Variants in MAP4 observed in about 807,000 individuals in gnomAD.
MAP4 encodes the protein microtubule-associated protein 4.
Under a neutral mutation model 170.2 loss-of-function variants are expected in MAP4, and 76 were observed. The ratio of observed to expected loss-of-function variants is 0.45; its 90% CI spans 0.37 to 0.54. The LOEUF (loss-of-function observed/expected upper bound fraction) is 0.54, where lower values mean the gene tolerates loss of function less well. MAP4 is among the 20% of genes least tolerant of loss of function. The pLI, the probability that MAP4 is intolerant of heterozygous loss-of-function variation, is 0.00. For missense variants in MAP4, 2,506 were observed against 2,748.0 expected (o/e 0.91, Z 1.97); for synonymous variants, 909 against 994.5 (o/e 0.91, Z 1.62).
Position 47,911,619 on chromosome 3 carries a change from G to A in MAP4, c.2802C>T (p.Tyr934=), listed in dbSNP as rs1224733868. ...TGATATCCAAAGGGGTTTCTACATT[G>A]TATGCAGAAACTTCTGCTAGGGGTC... ...LKGPLAEVSA[Y]NVETPLDIRL... The change falls in exon 9 of 21, where the codon TAC becomes TAT. Residue 934 remains tyrosine (Y), a synonymous_variant. Transcript: ENST00000683076. The surrounding 1 kb of genome is among the most constrained non-coding windows in gnomAD (Gnocchi z 4.0). 2 of 1,535,952 alleles carry A rather than the reference G, an allele frequency of 1.3e-6. No homozygotes were observed. Among genetic ancestry groups the A allele is most frequent in the Non-Finnish European group, 1.7e-6 (2 of 1,146,784 alleles).
chr3:47,985,501 T>C (rs1292482278), intron 2 of MAP4, among the ~76,000 whole-genome samples: 1 of 152,116 alleles, frequency 6.6e-6, no homozygotes, highest in Non-Finnish European at 1.5e-5. Context: ...AGGCAGACAC[T>C]AACAAGTGAT....
Position 47,955,548 on chromosome 3 carries a change from C to T in MAP4, c.292+22317G>A, listed in dbSNP as rs9873267. 4.5e-3 allele frequency among the ~76,000 whole-genome samples: 677 copies of T among 151,590 alleles called. 5 individuals carry two copies. The highest frequency in any genetic ancestry group is 0.032 in the South Asian group (156 of 4,802). On this transcript the variant is annotated intron_variant, in intron 3 of 20. Transcript: ENST00000683076. ...TAGCAAGTAGCAAATACGTTAGATG[C>T]TTTAGTAAGACATATACAAAGTAGT...
chr3:47,977,884 TACTCCATGACCACCATTGGCTAGG>T lies in MAP4; in HGVS notation c.249_272del (p.Leu84_Val91del), dbSNP rs776370787. On this transcript the variant is annotated inframe_deletion, in exon 3 of 21. Coordinates refer to ENST00000683076, the MANE Select transcript of MAP4 (RefSeq NM_001385682.1). ...ACTTACCTGTAGTATCGCTCCCTTC[TACTCCATGACCACCATTGGCTAGG>T]AGTGTTGGTTTAGAAGATGGAGTAT... 2 of 1,612,788 alleles carry T rather than the reference TACTCCATGACCACCATTGGCTAGG, an allele frequency of 1.2e-6. No individual in the cohort carries two copies. The highest frequency in any genetic ancestry group is 1.7e-6 in the Non-Finnish European group (2 of 1,178,860).
chr3:47,962,491 G>A (rs2100072200), intron 3 of MAP4, among the ~76,000 whole-genome samples: 1 of 152,120 alleles, frequency 6.6e-6, no homozygotes, highest in East Asian at 1.9e-4. Flanking sequence ...ATTTCTTTGT[G>A]TACTCTGCCC....
intron 10 of MAP4, chr3:47,892,760 T>G (rs1046039851): frequency 1.6e-6 from 2 of 1,277,260 alleles, no homozygotes; most frequent in African/African-American, 3.0e-5. Flanking sequence ...AATCTGAGAA[T>G]GTAATTTCCC....
intron 1 of MAP4, among the ~76,000 whole-genome samples, chr3:48,064,202 T>C (rs1039353739): frequency 1.3e-5 from 2 of 152,214 alleles, no homozygotes; most frequent in African/African-American, 4.8e-5. Context: ...TGCAAGATTC[T>C]AAACCTCCCT....
chr3:47,853,942 G>A (rs980315936), intron 19 of MAP4, among the ~76,000 whole-genome samples: 5 of 152,178 alleles, frequency 3.3e-5, no homozygotes, highest in Admixed American at 2.6e-4. Flanking sequence ...CCTGGAGGGC[G>A]TCATAGGAGG....
At chr3:47,947,804 CA>C (rs554803000) in intron 3 of MAP4, among the ~76,000 whole-genome samples, 648 of 50,408 alleles carry the variant, frequency 0.013, 4 homozygotes, top group African/African-American at 0.037. Flanking sequence ...GAGAGAGTCT[CA>C]AAAAAAAAAA....
intron 16 of MAP4, among the ~76,000 whole-genome samples, chr3:47,867,972 C>T (rs2083502998): frequency 6.6e-6 from 1 of 152,206 alleles, no homozygotes; most frequent in Non-Finnish European, 1.5e-5. Flanking sequence ...CACACTTAGC[C>T]CATTTGTCTC....
At chr3:48,068,438 T>C (rs1487407093) in intron 1 of MAP4, among the ~76,000 whole-genome samples, 2 of 152,202 alleles carry the variant, frequency 1.3e-5, no homozygotes, top group Non-Finnish European at 2.9e-5. Context: ...CTCACTATGT[T>C]GTCCAGGTTG....
chr3:47,880,766 A>T (rs1324293941), intron 10 of MAP4, among the ~76,000 whole-genome samples: 1 of 152,180 alleles, frequency 6.6e-6, no homozygotes, highest in Non-Finnish European at 1.5e-5. Flanking sequence ...CCCCATCATA[A>T]TTTCAATCTT....
At chr3:47,862,750 T>A (rs549045106) in intron 17 of MAP4, among the ~76,000 whole-genome samples, 6 of 152,318 alleles carry the variant, frequency 3.9e-5, no homozygotes, top group Admixed American at 3.9e-4. Flanking sequence ...TTGCTGGGAT[T>A]ACAGGTGTGA....
chr3:47,891,178 T>A, intron 10 of MAP4: 1 of 1,536,208 alleles, frequency 6.5e-7, no homozygotes, highest in Non-Finnish European at 8.7e-7. Context: ...CACTAAAATC[T>A]TCCTGCCCTT....
In MAP4 at chr3:47,911,152, C is replaced by T; in HGVS notation, c.3269G>A (p.Ser1090Asn). ...GAGAACAGCCCTTCCGTCCTTCTGG[C>T]TGTCCAGAAGAAATGGCAGCTCAGA... ...AKSELPFLLD[S>N]QKDGRAVLIP... Residue 1090 changes from serine to asparagine, a missense_variant, in exon 9 of 21, where the codon AGC becomes AAC. Coordinates refer to ENST00000683076, the MANE Select transcript of MAP4 (RefSeq NM_001385682.1). The surrounding 1 kb of genome is among the most constrained non-coding windows in gnomAD (Gnocchi z 4.0). The T allele has an allele frequency of 6.5e-7, 1 of 1,536,136 alleles. No homozygotes were observed. Among genetic ancestry groups the T allele is most frequent in the Non-Finnish European group, 8.7e-7 (1 of 1,146,902 alleles).
chr3:48,052,480 C>G (rs995088654), intron 1 of MAP4, among the ~76,000 whole-genome samples: 1 of 152,148 alleles, frequency 6.6e-6, no homozygotes. Context: ...CCTCAGCATC[C>G]CAAAGTGCTG....
chr3:47,942,095 G>A (rs895852925), intron 3 of MAP4, among the ~76,000 whole-genome samples: 1 of 152,032 alleles, frequency 6.6e-6, no homozygotes, highest in African/African-American at 2.4e-5. Context: ...CTACAGCCCC[G>A]TTCTTCCCTC....
In MAP4 at chr3:47,910,740, T is replaced by C. The variant is rs1359637102; in HGVS notation, c.3681A>G (p.Thr1227=). 1.3e-6 allele frequency: 2 copies of C among 1,536,120 alleles called. No homozygotes were observed. The highest frequency in any genetic ancestry group is 1.7e-6 in the Non-Finnish European group (2 of 1,146,908). Residue 1227 remains threonine (T), a synonymous_variant, in exon 9 of 21, where the codon ACA becomes ACG. Transcript: ENST00000683076. ...KSKKFKNNYS[T]QPARMERKEE... ...CCTTCCTCTCCATTCTAGCAGGCTG[T>C]GTGGAATAATTATTTTTAAACTTTT... is the stretch of plus-strand genomic sequence containing the variant.
chr3:48,015,937 CT>C (rs1362311753), intron 1 of MAP4, among the ~76,000 whole-genome samples: 2 of 152,144 alleles, frequency 1.3e-5, no homozygotes, highest in Non-Finnish European at 2.9e-5. Context: ...TACAACCCCC[CT>C]GAAGAATATA....
In MAP4 at chr3:48,047,280, C is replaced by T. The variant is rs537836530; in HGVS notation, c.-20+41493G>A. ...ATCCCCATGTACTTTGGTTCAAACC[C>T]CTCACCTAGATTCTGCACTAGACTC... On this transcript the variant is annotated intron_variant, in intron 1 of 18. Coordinates refer to the MAP4 transcript ENST00000360240. Among the ~76,000 whole-genome samples, 10 of 152,048 alleles carry T rather than the reference C, an allele frequency of 6.6e-5. No individual in the cohort carries two copies. In the East Asian group the frequency reaches 1.9e-3, roughly 29 times the overall value.
Sources: gnomAD v4.1 joint callset for allele counts (sites outside exome capture counted in the v4.1 genomes callset) on GRCh38, gnomAD v4.1.1 for gene constraint, Gnocchi (gnomAD v3.1) non-coding constraint, MANE v1.5 for transcripts, NCBI Gene and HGNC (gene_info 2026-07-23, HGNC 2026-07-21) for gene names.